Variants in TSPAN14 observed in about 807,000 individuals in gnomAD.
The protein encoded by TSPAN14 is tetraspanin 14.
TSPAN14 carries 16 observed loss-of-function variants against 36.6 expected under a neutral mutation model. The observed-to-expected ratio is 0.44, with a 90% CI of 0.30 to 0.66. The LOEUF (loss-of-function observed/expected upper bound fraction) is 0.66, where lower values mean the gene tolerates loss of function less well. TSPAN14 is among the 30% of genes least tolerant of loss of function. The probability of loss-of-function intolerance (pLI) is 0.12; values close to 1 mark genes in which losing one functional copy is unlikely to be tolerated. For missense variants in TSPAN14, 231 were observed against 355.1 expected (o/e 0.65, Z 2.81); for synonymous variants, 139 against 143.8 (o/e 0.97, Z 0.24).
At chr10:80,486,478 T>C (rs916855190) in intron 1 of TSPAN14, among the ~76,000 whole-genome samples, 1 of 152,234 alleles carries the variant, frequency 6.6e-6, no homozygotes, top group South Asian at 2.1e-4. Flanking sequence ...CTGGTTTCTT[T>C]GTGGAGCTTT....
chr10:80,507,160 T>TC (rs1564741284), intron 3 of TSPAN14, 68 bp from the exon 4 acceptor site: 2 of 1,587,438 alleles, frequency 1.3e-6, no homozygotes, highest in East Asian at 2.3e-5. Context: ...ACCACCTGCA[T>TC]CCCCCAGGGC....
chr10:80,467,482 C>T (rs542599879), intron 1 of TSPAN14, among the ~76,000 whole-genome samples: 1 of 151,244 alleles, frequency 6.6e-6, no homozygotes, highest in Admixed American at 6.6e-5. Flanking sequence ...GGTGTAGATT[C>T]TTACTAGAAA....
At chr10:80,516,697 G>C (rs1840959449) in intron 8 of TSPAN14, among the ~76,000 whole-genome samples, 1 of 152,180 alleles carries the variant, frequency 6.6e-6, no homozygotes. Context: ...TGCTGCAGAT[G>C]GGGAGGTGAA....
intron 1 of TSPAN14, among the ~76,000 whole-genome samples, chr10:80,476,079 A>G (rs1375567057): frequency 6.6e-6 from 1 of 152,144 alleles, no homozygotes; most frequent in Non-Finnish European, 1.5e-5. Flanking sequence ...ATCTAATACA[A>G]TGTAAAGGCT....
intron 2 of TSPAN14, among the ~76,000 whole-genome samples, chr10:80,493,606 T>A (rs1347189088): frequency 6.6e-6 from 1 of 152,200 alleles, no homozygotes; most frequent in Non-Finnish European, 1.5e-5. Flanking sequence ...ACAGCATGGG[T>A]AAACCTTGAG....
intron 8 of TSPAN14, among the ~76,000 whole-genome samples, chr10:80,516,831 C>A (rs1840966705): frequency 6.6e-6 from 1 of 152,238 alleles, no homozygotes; most frequent in African/African-American, 2.4e-5. Flanking sequence ...GTCCATGAGA[C>A]ATCCTCTGAG....
chr10:80,500,303 A>C (rs1260302191), intron 2 of TSPAN14, among the ~76,000 whole-genome samples: 4 of 145,022 alleles, frequency 2.8e-5, no homozygotes, highest in East Asian at 2.1e-4. Context: ...AAAACAACAC[A>C]AGGCCTTATT....
chr10:80,479,722 A>G (rs959535449), intron 1 of TSPAN14, among the ~76,000 whole-genome samples: 9 of 151,892 alleles, frequency 5.9e-5, no homozygotes, highest in Admixed American at 5.3e-4. Context: ...GAAGTCAGGT[A>G]GCGTGATGCC....
At chr10:80,469,255 G>A (rs1012637458) in intron 1 of TSPAN14, among the ~76,000 whole-genome samples, 1 of 152,172 alleles carries the variant, frequency 6.6e-6, no homozygotes, top group Admixed American at 6.5e-5. Flanking sequence ...TGTTCCAGCT[G>A]GAGAACAGGT....
chr10:80,455,870 C>G (rs1411138356), intron 1 of TSPAN14, among the ~76,000 whole-genome samples: 1 of 152,122 alleles, frequency 6.6e-6, no homozygotes, highest in Non-Finnish European at 1.5e-5. Flanking sequence ...TGAGCCACCA[C>G]GCGCAGTCTG....
intron 1 of TSPAN14, among the ~76,000 whole-genome samples, chr10:80,486,317 C>T (rs1411533434): frequency 6.6e-6 from 1 of 152,208 alleles, no homozygotes; most frequent in Non-Finnish European, 1.5e-5. Flanking sequence ...GTTCTGTACA[C>T]TTTATGGGTG....
exon 9 of TSPAN14, chr10:80,519,178 C>G (rs1297801599): frequency 6.5e-6 from 1 of 152,830 alleles, no homozygotes; most frequent in African/African-American, 2.4e-5. Context: ...GACAGCCGTT[C>G]TTCTGCAACC....
chr10:80,460,994 C>T, intron 1 of TSPAN14, among the ~76,000 whole-genome samples: 1 of 152,296 alleles, frequency 6.6e-6, no homozygotes, highest in South Asian at 2.1e-4. Flanking sequence ...CTGCACACTC[C>T]TGCTGCCTTC....
At chr10:80,503,440 C>T (rs1359139465) in intron 2 of TSPAN14, among the ~76,000 whole-genome samples, 1 of 151,996 alleles carries the variant, frequency 6.6e-6, no homozygotes, top group South Asian at 2.1e-4. Flanking sequence ...TGTGATTCAG[C>T]CCTTCTCCCC....
In TSPAN14 at chr10:80,517,864, G is replaced by T. The variant is rs1564749815; in HGVS notation, c.742-41G>T. ...TCCGCTCCCTGCCCTCTGCCTTTGG[G>T]CCCCAGCAATGGCCGCTGACTCTGC... On this transcript the variant is annotated intron_variant, in intron 8 of 8. Coordinates refer to ENST00000429989, the Ensembl canonical transcript of TSPAN14. The T allele has an allele frequency of 1.9e-6, 3 of 1,545,838 alleles. No individual in the cohort carries two copies. In the Admixed American group the frequency reaches 5.9e-5, roughly 30 times the overall value.
chr10:80,513,402 A>G (rs1840761721), intron 6 of TSPAN14, among the ~76,000 whole-genome samples: 1 of 152,044 alleles, frequency 6.6e-6, no homozygotes, highest in Non-Finnish European at 1.5e-5. Context: ...GAGCATCACC[A>G]CTATTATATG....
chr10:80,493,046 A>G (rs1164306925), intron 2 of TSPAN14, among the ~76,000 whole-genome samples: 1 of 152,176 alleles, frequency 6.6e-6, no homozygotes, highest in African/African-American at 2.4e-5. Context: ...TTCTTATCAC[A>G]AGGATGTTAG....
chr10:80,456,410 C>G (rs1435021245), intron 1 of TSPAN14, among the ~76,000 whole-genome samples: 1 of 152,162 alleles, frequency 6.6e-6, no homozygotes, highest in African/African-American at 2.4e-5. Context: ...GAAGGTCCTT[C>G]TCATGTAGGA....
At chr10:80,520,544 T>C (rs1309356126) in exon 9 of TSPAN14, 8 of 496,468 alleles carry the variant, frequency 1.6e-5, no homozygotes, top group Admixed American at 4.2e-5. Flanking sequence ...ATGCACATGC[T>C]AACTTTAAAG....
Sources: allele counts gnomAD v4.1 joint callset (sites outside exome capture counted in the v4.1 genomes callset), GRCh38; gene constraint gnomAD v4.1.1; transcripts MANE v1.5; gene names NCBI Gene and HGNC (gene_info 2026-07-23, HGNC 2026-07-21).